BBS9: variants seen among roughly 807,000 people sequenced by gnomAD.
The protein encoded by BBS9 is Bardet-Biedl syndrome 9.
Under a neutral mutation model 117.7 loss-of-function variants are expected in BBS9, and 89 were observed. The observed-to-expected ratio is 0.76, with a 90% CI of 0.64 to 0.90. The LOEUF (loss-of-function observed/expected upper bound fraction) is 0.90, where lower values mean the gene tolerates loss of function less well. Among genes scored for constraint, BBS9 ranks in the 40% least tolerant of loss-of-function variants. BBS9 has a pLI of 0.00. For synonymous variants in BBS9, 379 were observed against 370.9 expected (o/e 1.02, Z -0.25); for missense variants, 982 against 1,042.2 (o/e 0.94, Z 0.80).
At chr7:33,529,659 C>G (rs1361139399) in intron 20 of BBS9, among the ~76,000 whole-genome samples, 1 of 151,998 alleles carries the variant, frequency 6.6e-6, no homozygotes, top group Non-Finnish European at 1.5e-5. Context: ...TCCCCCACCG[C>G]TGTTGTTTTC....
chr7:33,442,975 A>G (rs561040428), intron 19 of BBS9, among the ~76,000 whole-genome samples: 3 of 151,888 alleles, frequency 2.0e-5, no homozygotes, highest in Non-Finnish European at 4.4e-5. Context: ...CTTATATGTC[A>G]TGTATGAAAA....
intron 17 of BBS9, among the ~76,000 whole-genome samples, chr7:33,381,999 T>C (rs1465636952): frequency 6.6e-6 from 1 of 152,208 alleles, no homozygotes; most frequent in East Asian, 1.9e-4. Flanking sequence ...AGAAATATTT[T>C]ATATGTCCAT....
At chr7:33,540,489 C>T (rs572966780) in intron 21 of BBS9, among the ~76,000 whole-genome samples, 3 of 152,204 alleles carry the variant, frequency 2.0e-5, no homozygotes, top group Admixed American at 6.5e-5. Flanking sequence ...ACTATCCCTG[C>T]GTGTTAGAAT....
At chr7:33,533,452 C>G (rs1585157076) in intron 20 of BBS9, among the ~76,000 whole-genome samples, 1 of 152,184 alleles carries the variant, frequency 6.6e-6, no homozygotes, top group South Asian at 2.1e-4. Context: ...GGCTGTGGAA[C>G]CAGTACCTGA....
At chr7:33,284,342 A>G (rs766533517) in intron 9 of BBS9, among the ~76,000 whole-genome samples, 6 of 152,184 alleles carry the variant, frequency 3.9e-5, no homozygotes, top group African/African-American at 1.4e-4. Flanking sequence ...TTGCTGTATT[A>G]TCTTTGATTA....
intron 19 of BBS9, among the ~76,000 whole-genome samples, chr7:33,425,038 CAAG>C (rs1833453352): frequency 6.6e-6 from 1 of 152,162 alleles, no homozygotes; most frequent in South Asian, 2.1e-4. Flanking sequence ...ATTTTACAGA[CAAG>C]AAACTGAGCA....
chr7:33,237,477 T>C (rs1793726934), intron 5 of BBS9, among the ~76,000 whole-genome samples: 1 of 152,236 alleles, frequency 6.6e-6, no homozygotes, highest in Admixed American at 6.5e-5. Context: ...CCCATGGGTG[T>C]GTATCCTCTT....
intron 19 of BBS9, among the ~76,000 whole-genome samples, chr7:33,394,792 C>T (rs1357997934): frequency 1.3e-5 from 2 of 152,080 alleles, no homozygotes; most frequent in Admixed American, 1.3e-4. Context: ...AAAGGAAATT[C>T]TTATTTGTTG....
chr7:33,188,091 T>G, intron 5 of BBS9, among the ~76,000 whole-genome samples: 1 of 87,130 alleles, frequency 1.1e-5, no homozygotes. Context: ...TGTGTGTGTG[T>G]GTGTGTGTGT....
chr7:33,408,618 G>T (rs1313736871), intron 19 of BBS9, among the ~76,000 whole-genome samples: 10 of 152,186 alleles, frequency 6.6e-5, no homozygotes, highest in African/African-American at 2.2e-4. Context: ...CACTGTTGAT[G>T]GGTACCTGAG....
chr7:33,414,010 G>A (rs1008561495), intron 19 of BBS9, among the ~76,000 whole-genome samples: 1 of 151,898 alleles, frequency 6.6e-6, no homozygotes, highest in Non-Finnish European at 1.5e-5. Context: ...GACAATAAAA[G>A]CAAAACTCCC....
intron 19 of BBS9, among the ~76,000 whole-genome samples, chr7:33,407,302 T>C (rs1290381892): frequency 1.3e-5 from 2 of 152,212 alleles, no homozygotes; most frequent in East Asian, 3.8e-4. Flanking sequence ...TTTAAGCACT[T>C]CTCTGTATTG....
chr7:33,611,955 G>C lies in BBS9; in HGVS notation c.2522-23222G>C, dbSNP rs570232256. ...TTAACATCACCTCCTCTGATGCCTG[G>C]TTGTCTTTGTCCTTCATTTGAGTCC... On this transcript the variant is annotated intron_variant, in intron 21 of 21. Transcript: ENST00000671952. 9.1e-4 allele frequency among the ~76,000 whole-genome samples: 137 copies of C among 150,456 alleles called. 1 individual carries two copies. The Middle Eastern group carries it at 0.01, about 11-fold the overall frequency.
At chr7:33,471,923 G>A (rs921891004) in intron 19 of BBS9, among the ~76,000 whole-genome samples, 13 of 152,200 alleles carry the variant, frequency 8.5e-5, no homozygotes, top group Non-Finnish European at 1.8e-4. Flanking sequence ...GGTGGCTCAG[G>A]CTGAGGATTT....
rs115806639 is a variant in BBS9 at position 33,552,309 on chromosome 7, A to G, written c.2521+18133A>G. On this transcript the variant is annotated intron_variant, in intron 21 of 22. Transcript: ENST00000242067. The stretch of plus-strand genomic sequence containing the variant: ...GAAGATGCTCAACAGATCTTCGAGT[A>G]GATTTGAATTGAATCACTTACGTGA... Among the ~76,000 whole-genome samples, 513 of 152,274 alleles carry G rather than the reference A, an allele frequency of 3.4e-3. 5 individuals are homozygous for G. Among genetic ancestry groups the G allele is most frequent in the African/African-American group, 0.012 (486 of 41,558 alleles).
At chr7:33,602,729 CAAAAA>C (rs913115315) in intron 21 of BBS9, among the ~76,000 whole-genome samples, 102 of 150,338 alleles carry the variant, frequency 6.8e-4, no homozygotes, top group African/African-American at 2.4e-3. Context: ...AACTCTGTCT[CAAAAA>C]AAAAGAAGGA....
chr7:33,527,395 G>T (rs1034677710), intron 20 of BBS9, among the ~76,000 whole-genome samples: 6 of 152,108 alleles, frequency 3.9e-5, no homozygotes, highest in South Asian at 4.2e-4. Context: ...CTAGCAATCA[G>T]CGAGACTCCG....
At chr7:33,604,234 A>C (rs1244030719) in intron 21 of BBS9, among the ~76,000 whole-genome samples, 1 of 152,174 alleles carries the variant, frequency 6.6e-6, no homozygotes, top group African/African-American at 2.4e-5. Flanking sequence ...GATAAAGTCA[A>C]ATGAGTTATA....
At chr7:33,389,003 CAG>C (rs919206326) in intron 19 of BBS9, among the ~76,000 whole-genome samples, 2 of 152,132 alleles carry the variant, frequency 1.3e-5, no homozygotes, top group Non-Finnish European at 2.9e-5. Flanking sequence ...ACAAATAATG[CAG>C]AGAGATCTCA....
Sources: gnomAD v4.1 joint callset for allele counts (sites outside exome capture counted in the v4.1 genomes callset) on GRCh38, gnomAD v4.1.1 for gene constraint, MANE v1.5 for transcripts, NCBI Gene and HGNC (gene_info 2026-07-23, HGNC 2026-07-21) for gene names.